Variants in FHIT observed in about 807,000 individuals in gnomAD.
The protein encoded by FHIT is bis(5'-adenosyl)-triphosphatase.
Under a neutral mutation model 17.9 loss-of-function variants are expected in FHIT, and 19 were observed. That is an observed-to-expected ratio of 1.06 (90% CI 0.74 to 1.56). The LOEUF (loss-of-function observed/expected upper bound fraction) is 1.56, where lower values mean the gene tolerates loss of function less well. Among genes scored for constraint, FHIT ranks in the 40% most tolerant of loss-of-function variants. The probability of loss-of-function intolerance (pLI) is 0.00; values close to 1 mark genes in which losing one functional copy is unlikely to be tolerated. For missense variants in FHIT, 248 were observed against 189.2 expected (o/e 1.31, Z -1.82); for synonymous variants, 81 against 69.7 (o/e 1.16, Z -0.81).
rs73835238 is a variant in FHIT at position 60,274,371 on chromosome 3, A to G, written c.104-260219T>C. Among the ~76,000 whole-genome samples, 918 of 152,282 alleles carry G rather than the reference A, an allele frequency of 6.0e-3. 8 individuals are homozygous for G. Among genetic ancestry groups the G allele is most frequent in the African/African-American group, 0.02 (840 of 41,544 alleles). ...ACCTAATATATATATCACCATTTAC[A>G]TATCAGTCACTCAATAAATATTTGA... On this transcript the variant is annotated intron_variant, in intron 5 of 9. Transcript: ENST00000492590.
At chr3:61,222,528 G>C (rs17064660) in intron 1 of FHIT, among the ~76,000 whole-genome samples, 8 of 152,010 alleles carry the variant, frequency 5.3e-5, no homozygotes, top group African/African-American at 1.9e-4. Context: ...TTCTAGCAGC[G>C]TTATTCTGAG....
At chr3:60,617,971 G>A (rs2039002749) in intron 4 of FHIT, 1 of 269,136 alleles carries the variant, frequency 3.7e-6, no homozygotes. Flanking sequence ...ACTTTATAAA[G>A]TCAAATCAAA....
At chr3:60,980,847 T>A (rs1283833351) in intron 3 of FHIT, among the ~76,000 whole-genome samples, 4 of 152,126 alleles carry the variant, frequency 2.6e-5, no homozygotes, top group Non-Finnish European at 5.9e-5. Context: ...GTAAAAAAAA[T>A]GACATAAATT....
chr3:60,796,781 C>T (rs1269283937), intron 4 of FHIT, among the ~76,000 whole-genome samples: 2 of 152,160 alleles, frequency 1.3e-5, no homozygotes, highest in Non-Finnish European at 2.9e-5. Context: ...AACGTTTCAC[C>T]ATGTTGGCCA....
At position 60,030,602 on chromosome 3, in the gene FHIT, G is replaced by C. The variant is rs190874145; in HGVS notation, c.104-16450C>G. On this transcript the variant is annotated intron_variant, in intron 5 of 9. Transcript: ENST00000492590. Reference sequence around the variant, plus strand: ...TTTATGATTACTTGTTTTCTATTGAGAATGCAAACTGAAATGAGGGCAGAA... The same window carrying C: ...TTTATGATTACTTGTTTTCTATTGACAATGCAAACTGAAATGAGGGCAGAA... 1.1e-3 allele frequency among the ~76,000 whole-genome samples: 170 copies of C among 152,198 alleles called. No individual in the cohort carries two copies. In the Middle Eastern group the frequency reaches 0.014, roughly 12 times the overall value.
chr3:60,197,324 TA>T (rs1273037358), intron 5 of FHIT, among the ~76,000 whole-genome samples: 1 of 152,176 alleles, frequency 6.6e-6, no homozygotes, highest in Non-Finnish European at 1.5e-5. Flanking sequence ...AAATCTCATT[TA>T]AAATTTCTTA....
chr3:59,890,243 G>T (rs1015239928), intron 8 of FHIT, among the ~76,000 whole-genome samples: 1 of 151,942 alleles, frequency 6.6e-6, no homozygotes, highest in Non-Finnish European at 1.5e-5. Flanking sequence ...TTGCCCTGTG[G>T]GGACTCCATG....
intron 8 of FHIT, among the ~76,000 whole-genome samples, chr3:59,760,808 T>C (rs1192064722): frequency 2.0e-5 from 3 of 151,348 alleles, no homozygotes; most frequent in Admixed American, 6.6e-5. Context: ...TGCTCCCTGA[T>C]TGATTGGCCA....
intron 8 of FHIT, among the ~76,000 whole-genome samples, chr3:59,850,863 T>C (rs1261334643): frequency 2.6e-5 from 4 of 152,196 alleles, no homozygotes; most frequent in African/African-American, 9.6e-5. Context: ...GTAGAGGTGG[T>C]GATCCTGGCA....
chr3:60,925,822 G>A (rs1707572444), intron 3 of FHIT, among the ~76,000 whole-genome samples: 1 of 152,186 alleles, frequency 6.6e-6, no homozygotes, highest in Non-Finnish European at 1.5e-5. Context: ...CATCTCACAT[G>A]CAGAGACACA....
chr3:61,074,937 C>A (rs939918418), intron 2 of FHIT, among the ~76,000 whole-genome samples: 3 of 152,262 alleles, frequency 2.0e-5, no homozygotes, highest in South Asian at 4.1e-4. Context: ...GTTAAACGTT[C>A]TGTGTAAAGG....
At chr3:60,161,328 C>T (rs986617305) in intron 5 of FHIT, among the ~76,000 whole-genome samples, 1 of 152,216 alleles carries the variant, frequency 6.6e-6, no homozygotes, top group Non-Finnish European at 1.5e-5. Flanking sequence ...CAACGTCTGC[C>T]TGCCTGCCAT....
intron 5 of FHIT, among the ~76,000 whole-genome samples, chr3:60,496,287 T>G (rs2034296968): frequency 6.6e-6 from 1 of 152,002 alleles, no homozygotes; most frequent in Admixed American, 6.6e-5. Flanking sequence ...CTAGAATATA[T>G]AAAAATACTA....
At chr3:60,873,121 C>T (rs1386460043) in intron 3 of FHIT, among the ~76,000 whole-genome samples, 2 of 146,924 alleles carry the variant, frequency 1.4e-5, no homozygotes, top group African/African-American at 2.6e-5. Flanking sequence ...GGGAACAAGG[C>T]AGGGAGAGAG....
chr3:61,204,640 GT>G (rs11359451), intron 1 of FHIT, among the ~76,000 whole-genome samples: 65,724 of 151,822 alleles, frequency 0.43, 14,613 homozygotes, highest in East Asian at 0.58. Flanking sequence ...CAAAACGAAT[GT>G]TTTAAAATCT....
At chr3:59,949,752 CTG>C (rs1328820066) in intron 7 of FHIT, among the ~76,000 whole-genome samples, 1 of 152,204 alleles carries the variant, frequency 6.6e-6, no homozygotes, top group Non-Finnish European at 1.5e-5. Flanking sequence ...GATCTGTGGG[CTG>C]TGTTTACATA....
intron 5 of FHIT, among the ~76,000 whole-genome samples, chr3:60,288,877 T>C (rs992247555): frequency 9.2e-5 from 14 of 152,288 alleles, no homozygotes; most frequent in African/African-American, 3.4e-4. Context: ...TGTTTTGGGA[T>C]ACATATAATA....
In FHIT at chr3:61,214,459, A is replaced by G. The variant is rs893678416; in HGVS notation, c.-212-13794T>C. Among the ~76,000 whole-genome samples the G allele has an allele frequency of 2.0e-5, 3 of 152,340 alleles. No homozygotes were observed. In the East Asian group the frequency reaches 5.8e-4, roughly 29 times the overall value. ...ACACCCTCCCAAGACTAAAGCAGGA[A>G]GAAGTTGGATCTCTGAATAGACCAA... On this transcript the variant is annotated intron_variant, in intron 1 of 9. Coordinates refer to ENST00000492590, the MANE Select transcript of FHIT (RefSeq NM_002012.4).
intron 4 of FHIT, among the ~76,000 whole-genome samples, chr3:60,652,327 G>T (rs187180084): frequency 6.6e-6 from 1 of 152,132 alleles, no homozygotes; most frequent in East Asian, 1.9e-4. Context: ...TAGGCCAGGC[G>T]TGGTAGTTCA....
Sources: allele counts gnomAD v4.1 joint callset (sites outside exome capture counted in the v4.1 genomes callset), GRCh38; gene constraint gnomAD v4.1.1; transcripts MANE v1.5; gene names NCBI Gene and HGNC (gene_info 2026-07-23, HGNC 2026-07-21).